The following SPAG16 variants were observed in gnomAD, a reference collection of about 807,000 sequenced individuals.
SPAG16 encodes sperm associated antigen 16.
In SPAG16, 86 loss-of-function variants were observed where a neutral mutation model predicts 80.4. The observed-to-expected ratio is 1.07, with a 90% confidence interval of 0.90 to 1.28. The LOEUF is 1.28. Ranked by LOEUF, SPAG16 falls within the 50% of genes most tolerant of loss-of-function variation. The pLI, the probability that SPAG16 is intolerant of heterozygous loss-of-function variation, is 0.00. For synonymous variants in SPAG16, 294 were observed against 265.9 expected (o/e 1.11, Z -1.03); for missense variants, 870 against 765.3 (o/e 1.14, Z -1.61).
At chr2:214,272,774 T>C (rs1456574562) in intron 15 of SPAG16, among the ~76,000 whole-genome samples, 7 of 152,150 alleles carry the variant, frequency 4.6e-5, no homozygotes, top group Non-Finnish European at 8.8e-5. Flanking sequence ...GTCTTTACAG[T>C]AGCATGATTT....
intron 15 of SPAG16, among the ~76,000 whole-genome samples, chr2:214,223,605 T>C (rs566039445): frequency 2.8e-4 from 43 of 152,240 alleles, no homozygotes; most frequent in African/African-American, 1.0e-3. Flanking sequence ...TTGGTAATGG[T>C]ATTTAAAAGT....
Position 213,996,846 on chromosome 2 carries a change from G to A in SPAG16, c.1401-17105G>A, listed in dbSNP as rs562244948. On this transcript the variant is annotated intron_variant, in intron 12 of 15. Transcript: ENST00000331683. ...GCCTCCCAAAGTGCTGGGATTACAG[G>A]TGTGAGCCGCCGCACCCGGCCCTAC... Among the ~76,000 whole-genome samples, 23 of 152,242 alleles carry A rather than the reference G, an allele frequency of 1.5e-4. No individual in the cohort carries two copies. The East Asian group carries it at 3.1e-3, about 20-fold the overall frequency.
chr2:214,316,473 G>T (rs538106560), intron 15 of SPAG16, among the ~76,000 whole-genome samples: 1 of 152,244 alleles, frequency 6.6e-6, no homozygotes, highest in African/African-American at 2.4e-5. Context: ...TCAAAAATGA[G>T]CAGTTTTTAC....
intron 10 of SPAG16, among the ~76,000 whole-genome samples, chr2:213,536,845 T>C (rs2076267022): frequency 6.6e-6 from 1 of 152,110 alleles, no homozygotes; most frequent in African/African-American, 2.4e-5. Context: ...ATCATGCTGC[T>C]ATAAAGACAC....
chr2:214,287,245 A>C (rs958894660), intron 15 of SPAG16, among the ~76,000 whole-genome samples: 1 of 152,212 alleles, frequency 6.6e-6, no homozygotes, highest in African/African-American at 2.4e-5. Flanking sequence ...ACAAGCACTG[A>C]AAGTATTTGA....
At chr2:213,317,524 T>C (rs2063448342) in intron 5 of SPAG16, 168 bp downstream of exon 5, 1 of 1,329,546 alleles carries the variant, frequency 7.5e-7, no homozygotes. Context: ...AAACAGATGA[T>C]CAGAACTATC....
At chr2:213,980,603 A>G (rs1338386832) in intron 12 of SPAG16, among the ~76,000 whole-genome samples, 1 of 143,776 alleles carries the variant, frequency 7.0e-6, no homozygotes, top group African/African-American at 2.6e-5. Flanking sequence ...ATATGTATAT[A>G]TGGAGTATAT....
At chr2:213,803,133 C>G (rs2071523582) in intron 10 of SPAG16, among the ~76,000 whole-genome samples, 1 of 151,872 alleles carries the variant, frequency 6.6e-6, no homozygotes, top group African/African-American at 2.4e-5. Flanking sequence ...CAGGTAATTC[C>G]AAGAAATGTA....
chr2:213,655,330 A>C (rs1230418672), intron 10 of SPAG16, among the ~76,000 whole-genome samples: 1 of 152,176 alleles, frequency 6.6e-6, no homozygotes, highest in Non-Finnish European at 1.5e-5. Context: ...TTTGAGCTGG[A>C]TATTGGAGGG....
intron 10 of SPAG16, among the ~76,000 whole-genome samples, chr2:213,503,593 C>G (rs2074841151): frequency 6.6e-6 from 1 of 152,136 alleles, no homozygotes; most frequent in Non-Finnish European, 1.5e-5. Flanking sequence ...CACTTGTGCT[C>G]ATAAGGAATG....
At chr2:213,567,758 TGGCTG>T (rs1476055058) in intron 10 of SPAG16, among the ~76,000 whole-genome samples, 41 of 50,800 alleles carry the variant, frequency 8.1e-4, no homozygotes, top group African/African-American at 5.4e-3. Flanking sequence ...AGTAATGGGA[TGGCTG>T]GGTCAAATGG....
chr2:213,806,259 T>C (rs1398576407), intron 10 of SPAG16, among the ~76,000 whole-genome samples: 2 of 152,200 alleles, frequency 1.3e-5, no homozygotes, highest in Non-Finnish European at 2.9e-5. Context: ...AATTGCTTAG[T>C]GAGGCCTGGT....
chr2:213,549,157 T>C lies in SPAG16; in HGVS notation c.1070+59067T>C, dbSNP rs550282410. Among the ~76,000 whole-genome samples the C allele has an allele frequency of 2.0e-5, 3 of 152,200 alleles. No homozygotes were observed. In the South Asian group the frequency reaches 6.2e-4, roughly 32 times the overall value. On this transcript the variant is annotated intron_variant, in intron 10 of 15. Transcript: ENST00000331683. Reference sequence around the variant, plus strand: ...CCAATTTTGTTTGTAATCCTATTTATTTCTTTTCTGTTTTAAAATGTTATT... The same window carrying C: ...CCAATTTTGTTTGTAATCCTATTTACTTCTTTTCTGTTTTAAAATGTTATT...
intron 9 of SPAG16, among the ~76,000 whole-genome samples, chr2:213,425,018 GTA>G (rs1387626307): frequency 2.6e-5 from 4 of 152,170 alleles, no homozygotes; most frequent in Admixed American, 1.3e-4. Flanking sequence ...CAAAGTAAGA[GTA>G]TATATGAATG....
At chr2:214,067,865 G>A (rs1361131170) in intron 13 of SPAG16, among the ~76,000 whole-genome samples, 1 of 152,142 alleles carries the variant, frequency 6.6e-6, no homozygotes, top group Non-Finnish European at 1.5e-5. Flanking sequence ...CATGTTAGCT[G>A]TAAGTGGGGC....
At chr2:214,362,442 G>A (rs771150001) in intron 15 of SPAG16, among the ~76,000 whole-genome samples, 6 of 151,884 alleles carry the variant, frequency 4.0e-5, no homozygotes, top group African/African-American at 9.7e-5. Flanking sequence ...GATAATGAAC[G>A]TATATCAGTA....
intron 10 of SPAG16, among the ~76,000 whole-genome samples, chr2:213,856,682 C>T (rs561045189): frequency 6.6e-6 from 1 of 152,216 alleles, no homozygotes; most frequent in Non-Finnish European, 1.5e-5. Context: ...GCCTTGCACC[C>T]TCTGAAGCAA....
intron 10 of SPAG16, among the ~76,000 whole-genome samples, chr2:213,509,993 C>T (rs918097883): frequency 2.4e-4 from 37 of 152,172 alleles, no homozygotes; most frequent in African/African-American, 8.7e-4. Context: ...ATATCACCAC[C>T]GATCCTACAG....
intron 15 of SPAG16, among the ~76,000 whole-genome samples, chr2:214,159,369 G>A (rs2056347156): frequency 6.6e-6 from 1 of 151,960 alleles, no homozygotes; most frequent in South Asian, 2.1e-4. Flanking sequence ...CATACTGCAT[G>A]ACCCAAAGTC....
Sources: gnomAD v4.1 joint callset for allele counts (sites outside exome capture counted in the v4.1 genomes callset) on GRCh38, gnomAD v4.1.1 for gene constraint, MANE v1.5 for transcripts, NCBI Gene and HGNC (gene_info 2026-07-23, HGNC 2026-07-21) for gene names.